RBFOX1: variants seen among roughly 807,000 people sequenced by gnomAD.
RBFOX1 encodes RNA binding fox-1 homolog 1.
In RBFOX1, 8 loss-of-function variants were observed where a neutral mutation model predicts 57.7. That is an observed-to-expected ratio of 0.14 (90% CI 0.08 to 0.25). The LOEUF (loss-of-function observed/expected upper bound fraction) is 0.25. Among genes scored for constraint, RBFOX1 ranks in the 10% least tolerant of loss-of-function variants. The pLI, the probability that RBFOX1 is intolerant of heterozygous loss-of-function variation, is 1.00. For missense variants in RBFOX1, 611 were observed against 548.5 expected (o/e 1.11, Z -1.14); for synonymous variants, 326 against 222.4 (o/e 1.47, Z -4.15).
chr16:6,453,712 G>C (rs2094692023), intron 2 of RBFOX1, among the ~76,000 whole-genome samples: 1 of 152,152 alleles, frequency 6.6e-6, no homozygotes, highest in Non-Finnish European at 1.5e-5. Context: ...AAGCTTATTG[G>C]TTTCACTGGT....
intron 11 of RBFOX1, among the ~76,000 whole-genome samples, chr16:7,634,550 T>A (rs1276770246): frequency 6.6e-6 from 1 of 152,228 alleles, no homozygotes; most frequent in Non-Finnish European, 1.5e-5. Context: ...GCTTTTGATA[T>A]GCATTTTTGC....
At chr16:6,940,661 G>A (rs1053972485) in intron 3 of RBFOX1, among the ~76,000 whole-genome samples, 1 of 152,002 alleles carries the variant, frequency 6.6e-6, no homozygotes, top group Non-Finnish European at 1.5e-5. Context: ...GGAGCGACGC[G>A]ATCTCAGCTC....
At chr16:5,683,866 A>G (rs894291640) in intron 3 of RBFOX1, among the ~76,000 whole-genome samples, 1 of 150,750 alleles carries the variant, frequency 6.6e-6, no homozygotes, top group Admixed American at 6.6e-5. Context: ...ACAGATACCT[A>G]TATGTATGTA....
intron 1 of RBFOX1, among the ~76,000 whole-genome samples, chr16:6,051,601 C>T (rs985141752): frequency 5.9e-5 from 9 of 152,028 alleles, no homozygotes; most frequent in African/African-American, 2.2e-4. Flanking sequence ...GTCTCTGTCA[C>T]CCAGACTGCT....
intron 4 of RBFOX1, chr16:7,333,225 A>T: frequency 2.7e-6 from 2 of 739,206 alleles, no homozygotes; most frequent in South Asian, 3.3e-5. Context: ...GACAGTAGGA[A>T]ATCAAAAAGA....
At chr16:6,036,229 G>A (rs894577525) in intron 1 of RBFOX1, among the ~76,000 whole-genome samples, 6 of 152,140 alleles carry the variant, frequency 3.9e-5, no homozygotes, top group Admixed American at 3.9e-4. Context: ...GGCATGTGAG[G>A]GAGCTTTAAA....
At chr16:7,042,173 C>G (rs529105724) in intron 3 of RBFOX1, among the ~76,000 whole-genome samples, 52 of 152,310 alleles carry the variant, frequency 3.4e-4, no homozygotes, top group African/African-American at 1.1e-3. Context: ...ACAACACTAG[C>G]TAGTCGGTGC....
At chr16:7,060,300 C>G (rs1027758269) in intron 4 of RBFOX1, among the ~76,000 whole-genome samples, 20 of 152,142 alleles carry the variant, frequency 1.3e-4, no homozygotes, top group African/African-American at 4.8e-4. Flanking sequence ...GTTAGCCAAC[C>G]CCTGCTGGTG....
chr16:6,169,447 A>G (rs1598010494), intron 1 of RBFOX1, among the ~76,000 whole-genome samples: 1 of 152,324 alleles, frequency 6.6e-6, no homozygotes, highest in Admixed American at 6.5e-5. Flanking sequence ...TCTGATGAAA[A>G]AAAAAGCTTC....
intron 1 of RBFOX1, among the ~76,000 whole-genome samples, chr16:6,160,765 C>G (rs771439463): frequency 6.6e-6 from 1 of 152,166 alleles, no homozygotes. Context: ...AGGAGCCATC[C>G]TTATTCCATC....
intron 1 of RBFOX1, among the ~76,000 whole-genome samples, chr16:6,272,499 A>T (rs1423966810): frequency 1.3e-5 from 2 of 152,206 alleles, no homozygotes; most frequent in Non-Finnish European, 2.9e-5. Context: ...CATAGTAAAG[A>T]CATTGATTCT....
intron 4 of RBFOX1, among the ~76,000 whole-genome samples, chr16:7,364,058 G>A (rs1161911593): frequency 1.3e-5 from 2 of 152,188 alleles, no homozygotes; most frequent in African/African-American, 4.8e-5. Flanking sequence ...TCAGCTTTGG[G>A]ACTCCCAAGT....
At chr16:6,242,663 C>CACAT (rs900677748) in intron 1 of RBFOX1, among the ~76,000 whole-genome samples, 2 of 138,622 alleles carry the variant, frequency 1.4e-5, no homozygotes, top group Admixed American at 7.4e-5. Flanking sequence ...CACACACACA[C>CACAT]ATTCCTTAAA....
Position 6,611,646 on chromosome 16 carries a change from T to G in RBFOX1, c.-63-42957T>G, listed in dbSNP as rs17720528. 5.9e-3 allele frequency among the ~76,000 whole-genome samples: 897 copies of G among 152,344 alleles called. 8 individuals are homozygous for G. Among genetic ancestry groups the G allele is most frequent in the Non-Finnish European group, 8.4e-3 (569 of 68,028 alleles). On this transcript the variant is annotated intron_variant, in intron 2 of 15. Transcript: ENST00000550418. ...CTGCAGATGCTCAGAGCTTTCTTTCTCCTTTCTTTGTGCTTTATCAGAGCA... is the reference window on the plus strand; with the variant it reads ...CTGCAGATGCTCAGAGCTTTCTTTCGCCTTTCTTTGTGCTTTATCAGAGCA...
chr16:6,362,249 C>A (rs1233027919), intron 2 of RBFOX1, among the ~76,000 whole-genome samples: 2 of 147,604 alleles, frequency 1.4e-5, no homozygotes, highest in East Asian at 4.1e-4. Flanking sequence ...ATTTGTGAAA[C>A]ACTGCTGTTT....
intron 3 of RBFOX1, among the ~76,000 whole-genome samples, chr16:5,794,614 G>C (rs1013748482): frequency 3.3e-5 from 5 of 152,168 alleles, no homozygotes. Context: ...CATGTGGTGA[G>C]CAAAATGAGT....
upstream of RBFOX1, chr16:6,018,953 G>A (rs1457743781): frequency 2.7e-6 from 1 of 375,968 alleles, no homozygotes; most frequent in Non-Finnish European, 3.7e-6. Context: ...TGGAATCCAG[G>A]GCTGCACGCG....
intron 4 of RBFOX1, among the ~76,000 whole-genome samples, chr16:7,392,969 G>T (rs1194576722): frequency 6.6e-6 from 1 of 152,052 alleles, no homozygotes; most frequent in Non-Finnish European, 1.5e-5. Context: ...CGCCTCCCAG[G>T]TTCCAGTGAT....
intron 2 of RBFOX1, among the ~76,000 whole-genome samples, chr16:5,538,417 T>C (rs1379099609): frequency 2.0e-5 from 3 of 151,892 alleles, no homozygotes; most frequent in Non-Finnish European, 2.9e-5. Context: ...AAACTACTGT[T>C]CAGGGAGGTC....
Sources: gnomAD v4.1 joint callset for allele counts (sites outside exome capture counted in the v4.1 genomes callset) on GRCh38, gnomAD v4.1.1 for gene constraint, MANE v1.5 for transcripts, NCBI Gene and HGNC (gene_info 2026-07-23, HGNC 2026-07-21) for gene names.